The following RBFOX1 variants were observed in gnomAD, a reference collection of about 807,000 sequenced individuals.
The protein encoded by RBFOX1 is RNA binding protein fox-1 homolog 1.
Under a neutral mutation model 57.7 loss-of-function variants are expected in RBFOX1, and 8 were observed. That is an observed-to-expected ratio of 0.14 (90% CI 0.08 to 0.25). The LOEUF (loss-of-function observed/expected upper bound fraction) is 0.25, where lower values mean the gene tolerates loss of function less well. RBFOX1 is among the 10% of genes least tolerant of loss of function. RBFOX1 has a pLI of 1.00. For missense variants in RBFOX1, 611 were observed against 548.5 expected (o/e 1.11, Z -1.14); for synonymous variants, 326 against 222.4 (o/e 1.47, Z -4.15).
rs1214436018 is a variant in RBFOX1 at position 5,264,462 on chromosome 16, T to TA, written c.219+24361dup. Among the ~76,000 whole-genome samples the TA allele has an allele frequency of 2.6e-5, 4 of 152,144 alleles. 1 individual carries two copies. Among genetic ancestry groups the TA allele is most frequent in the South Asian group, 4.1e-4 (2 of 4,820 alleles). On this transcript the variant is annotated intron_variant, in intron 1 of 2. Transcript: ENST00000585867. ...GTATAAAATGTTCATGGGTCAAGGA[T>TA]AAAATAGAAAAACAGAGAAAATGTC...
chr16:7,184,734 G>GAGTT (rs1350598860), intron 4 of RBFOX1, among the ~76,000 whole-genome samples: 7 of 152,166 alleles, frequency 4.6e-5, no homozygotes, highest in African/African-American at 1.7e-4. Context: ...GGGCAATGTG[G>GAGTT]AGTTACAGGT....
At chr16:6,018,224 G>GGAAGGAAGGGAGGGAA, upstream of RBFOX1, among the ~76,000 whole-genome samples, 1 of 151,966 alleles carries the variant, frequency 6.6e-6, no homozygotes, top group South Asian at 2.1e-4. Context: ...AAGGGAGGGA[G>GGAAGGAAGGGAGGGAA]GGAAAGGAAA....
intron 1 of RBFOX1, among the ~76,000 whole-genome samples, chr16:6,040,753 C>T (rs9936789): frequency 0.083 from 12,652 of 152,108 alleles, 652 homozygotes; most frequent in African/African-American, 0.13. Flanking sequence ...CACCACCATG[C>T]CTGGCAAATT....
chr16:5,285,957 A>T (rs1304372966), intron 1 of RBFOX1, among the ~76,000 whole-genome samples: 2 of 152,038 alleles, frequency 1.3e-5, no homozygotes, highest in Admixed American at 6.6e-5. Flanking sequence ...TTTTTAGTAG[A>T]GACAGGGTTT....
At position 7,406,246 on chromosome 16, in the gene RBFOX1, T is replaced by G. The variant is rs2098338084; in HGVS notation, c.28-111901T>G. Among the ~76,000 whole-genome samples the G allele has an allele frequency of 3.3e-5, 5 of 152,050 alleles. No individual in the cohort carries two copies. The South Asian group carries it at 1.0e-3, about 32-fold the overall frequency. On this transcript the variant is annotated intron_variant, in intron 4 of 15. Transcript: ENST00000550418. ...ATCCCCACCAAGGATTAAAGAAGAG[T>G]TGCCATATGCCATGGGCCTACTATG...
intron 3 of RBFOX1, among the ~76,000 whole-genome samples, chr16:5,836,566 T>G (rs1352985523): frequency 6.6e-6 from 1 of 152,214 alleles, no homozygotes; most frequent in Admixed American, 6.5e-5. Flanking sequence ...GTCCTGCCAG[T>G]TCTGCCTTCC....
chr16:7,651,816 A>G (rs1409930373), intron 11 of RBFOX1, among the ~76,000 whole-genome samples: 2 of 152,232 alleles, frequency 1.3e-5, no homozygotes, highest in Admixed American at 1.3e-4. Context: ...CTCCTGGGAC[A>G]GGGACTTACC....
intron 1 of RBFOX1, among the ~76,000 whole-genome samples, chr16:6,211,160 C>CTTCCATGAGACAGAGTGTTTTTGA (rs2152851354): frequency 1.4e-5 from 2 of 145,986 alleles, no homozygotes; most frequent in Admixed American, 6.8e-5. Context: ...AGTGTTTTTG[C>CTTCCATGAGACAGAGTGTTTTTGA]TTCCATGAGA....
chr16:6,924,408 C>G (rs113930402), intron 3 of RBFOX1, among the ~76,000 whole-genome samples: 3,201 of 151,938 alleles, frequency 0.021, 118 homozygotes, highest in African/African-American at 0.073. Context: ...ACAACCAGAT[C>G]TCGTGTGAAC....
At chr16:5,768,157 G>C (rs76562532) in intron 3 of RBFOX1, among the ~76,000 whole-genome samples, 1 of 152,148 alleles carries the variant, frequency 6.6e-6, no homozygotes. Flanking sequence ...ATGAATGCAT[G>C]TGTGGCCGCG....
At chr16:5,250,457 G>T (rs1391106856) in intron 1 of RBFOX1, among the ~76,000 whole-genome samples, 1 of 152,032 alleles carries the variant, frequency 6.6e-6, no homozygotes, top group Non-Finnish European at 1.5e-5. Context: ...GGTGTATGTT[G>T]TTCCCCTCTC....
At chr16:5,889,652 G>A (rs575671332) in intron 4 of RBFOX1, among the ~76,000 whole-genome samples, 9 of 152,180 alleles carry the variant, frequency 5.9e-5, no homozygotes, top group East Asian at 5.8e-4. Flanking sequence ...ACATGTCCTC[G>A]TGCACTGAGG....
chr16:5,261,148 G>A (rs1431490789), intron 1 of RBFOX1: 1 of 152,154 alleles, frequency 6.6e-6, no homozygotes, highest in Non-Finnish European at 1.5e-5. Flanking sequence ...TTAATAAAGG[G>A]CATTAGCACG....
chr16:5,823,111 C>G (rs1023166433), intron 3 of RBFOX1, among the ~76,000 whole-genome samples: 1 of 152,152 alleles, frequency 6.6e-6, no homozygotes, highest in East Asian at 1.9e-4. Flanking sequence ...GTATTAAACC[C>G]TTCTGCCTAC....
rs141643816 is a variant in RBFOX1, at chr16:7,214,125, G to A, written c.27+162027G>A. Among the ~76,000 whole-genome samples, 6 of 151,486 alleles carry A rather than the reference G, an allele frequency of 4.0e-5. No homozygotes were observed. In the East Asian group the frequency reaches 1.2e-3, roughly 29 times the overall value. On this transcript the variant is annotated intron_variant, in intron 4 of 15. Coordinates refer to ENST00000550418, the MANE Select transcript of RBFOX1 (RefSeq NM_018723.4). ...CTTTCCCCTGCTACCTTATTTTCTT[G>A]TTCTCTGACCATTTATCTCAAACAA...
intron 4 of RBFOX1, among the ~76,000 whole-genome samples, chr16:5,918,587 A>G (rs1241701004): frequency 6.6e-6 from 1 of 152,198 alleles, no homozygotes; most frequent in Admixed American, 6.5e-5. Flanking sequence ...TTAGTCCACA[A>G]TTCTCTGGAT....
intron 1 of RBFOX1, among the ~76,000 whole-genome samples, chr16:5,242,432 C>G (rs2001555): frequency 0.29 from 44,212 of 151,388 alleles, 6,688 homozygotes; most frequent in South Asian, 0.41. Flanking sequence ...AAATTTGGCC[C>G]AAAGCCCACT....
chr16:5,390,051 A>T (rs866492753), intron 1 of RBFOX1, among the ~76,000 whole-genome samples: 2 of 152,124 alleles, frequency 1.3e-5, no homozygotes, highest in African/African-American at 4.8e-5. Context: ...TCTGTAGCTT[A>T]AAAACTTTTA....
At chr16:5,968,989 T>G (rs986903777) in intron 4 of RBFOX1, among the ~76,000 whole-genome samples, 1 of 152,120 alleles carries the variant, frequency 6.6e-6, no homozygotes, top group Non-Finnish European at 1.5e-5. Context: ...GTTTTCATAT[T>G]GATTTGCCCT....
Sources: allele counts gnomAD v4.1 joint callset (sites outside exome capture counted in the v4.1 genomes callset), GRCh38; gene constraint gnomAD v4.1.1; transcripts MANE v1.5; gene names NCBI Gene and HGNC (gene_info 2026-07-23, HGNC 2026-07-21).